MYO16: variants seen among roughly 807,000 people sequenced by gnomAD.
MYO16 encodes unconventional myosin-XVI.
MYO16 carries 94 observed loss-of-function variants against 205.3 expected under a neutral mutation model. That is an observed-to-expected ratio of 0.46 (90% CI 0.39 to 0.54). The LOEUF is 0.54. MYO16 is among the 20% of genes least tolerant of loss of function. MYO16 has a pLI of 0.00. For synonymous variants in MYO16, 988 were observed against 954.0 expected (o/e 1.04, Z -0.66); for missense variants, 2,315 against 2,387.5 (o/e 0.97, Z 0.63).
At position 109,014,439 on chromosome 13, in the gene MYO16, G is replaced by A. The variant is rs183374316; in HGVS notation, c.2596-5272G>A. Among the ~76,000 whole-genome samples the A allele has an allele frequency of 2.6e-4, 39 of 152,244 alleles. No homozygotes were observed. In the Middle Eastern group the frequency reaches 0.014, roughly 53 times the overall value. On this transcript the variant is annotated intron_variant, in intron 22 of 34. Transcript: ENST00000457511. ...TGTTCTTTTTGCTTAGGGTTGTCTT[G>A]GCAATGCGGGCTCTTTTTTGGTTCC...
chr13:108,631,767 C>T (rs2139356410), intron 1 of MYO16, among the ~76,000 whole-genome samples: 1 of 152,226 alleles, frequency 6.6e-6, no homozygotes, highest in East Asian at 1.9e-4. Context: ...TGAGCTATAT[C>T]TTGGAAGGAT....
At chr13:109,028,439 C>A in intron 23 of MYO16, 1 of 283,486 alleles carries the variant, frequency 3.5e-6, no homozygotes, top group African/African-American at 2.3e-5. Context: ...ATGAGTAGCT[C>A]CCTTTGAAGG....
chr13:108,783,146 A>C (rs142360959), intron 4 of MYO16, among the ~76,000 whole-genome samples: 77 of 152,278 alleles, frequency 5.1e-4, no homozygotes, highest in Non-Finnish European at 8.5e-4. Context: ...CTAGCTCGTG[A>C]AAGCAGCCAG....
chr13:108,562,783 T>G, the MYO16 span, among the ~76,000 whole-genome samples: 438 of 152,202 alleles, frequency 2.9e-3, 2 homozygotes, highest in Non-Finnish European at 4.9e-3. Flanking sequence ...TTGCACAGGT[T>G]TGTAGCCTAG....
In MYO16 at chr13:109,141,459, T is replaced by A; in HGVS notation, c.5164+83T>A. 1 of 974,364 alleles carries A rather than the reference T, an allele frequency of 1.0e-6. No homozygotes were observed. Among genetic ancestry groups the A allele is most frequent in the Non-Finnish European group, 1.4e-6 (1 of 712,260 alleles). 60.4% of individuals were successfully genotyped at this position (974,364 alleles called of 1,614,324 possible). The stretch of plus-strand genomic sequence containing the variant: ...CTGTGTACATCCGTGTCTGCGCAGA[T>A]GTGAAATAGTAAAGTTTCAGGTGAT... On this transcript the variant is annotated intron_variant, in intron 32 of 34. Coordinates refer to ENST00000457511, the MANE Select transcript of MYO16 (RefSeq NM_001198950.3). This position sits in a 1 kb window ranked among gnomAD's most constrained non-coding sequence, Gnocchi z 4.1.
intron 16 of MYO16, among the ~76,000 whole-genome samples, chr13:108,937,605 A>AAG (rs1298311515): frequency 1.3e-5 from 2 of 152,182 alleles, no homozygotes; most frequent in Admixed American, 1.3e-4. Context: ...GTTAGCTCAA[A>AAG]AGACTGGCTT....
the MYO16 span, among the ~76,000 whole-genome samples, chr13:108,519,626 TACACACACACACACACACACACCCAC>T: frequency 1.8e-5 from 2 of 108,436 alleles, no homozygotes; most frequent in Non-Finnish European, 1.7e-5. Flanking sequence ...ATATGCAAAA[TACACACACACACACACACACACCCAC>T]ACACACACAC....
intron 1 of MYO16, among the ~76,000 whole-genome samples, chr13:108,610,618 C>A (rs1371799657): frequency 6.6e-6 from 1 of 152,170 alleles, no homozygotes; most frequent in Non-Finnish European, 1.5e-5. Flanking sequence ...GTTATACAAG[C>A]ATTTTAAGTT....
intron 22 of MYO16, among the ~76,000 whole-genome samples, chr13:109,013,146 G>A (rs1244278047): frequency 1.0e-5 from 1 of 100,424 alleles, no homozygotes; most frequent in Non-Finnish European, 1.9e-5. Flanking sequence ...GCCCCAGTGT[G>A]TGATGTTCCC....
At chr13:108,741,662 A>G (rs2139614802) in intron 4 of MYO16, among the ~76,000 whole-genome samples, 1 of 152,368 alleles carries the variant, frequency 6.6e-6, no homozygotes, top group South Asian at 2.1e-4. Flanking sequence ...TGGGGTTACA[A>G]ATAAATATTA....
intron 27 of MYO16, among the ~76,000 whole-genome samples, chr13:109,072,060 A>C (rs542090344): frequency 2.0e-5 from 3 of 152,168 alleles, no homozygotes; most frequent in African/African-American, 4.8e-5. Context: ...TGTTATCACC[A>C]GTGTGCTGGG....
chr13:109,019,676 G>A, intron 22 of MYO16, 35 bp from the exon 23 acceptor site: 2 of 1,539,722 alleles, frequency 1.3e-6, no homozygotes, highest in Non-Finnish European at 1.8e-6. Context: ...CTAAGTAATA[G>A]ACAAAACAAC....
At chr13:108,496,632 T>G in the MYO16 span, among the ~76,000 whole-genome samples, 3 of 152,150 alleles carry the variant, frequency 2.0e-5, no homozygotes, top group Admixed American at 1.3e-4. Flanking sequence ...GTTTAATTGG[T>G]CCCTAGTACG....
chr13:108,876,669 CTT>C (rs35250959), intron 12 of MYO16, among the ~76,000 whole-genome samples: 172 of 135,210 alleles, frequency 1.3e-3, no homozygotes, highest in East Asian at 2.0e-3. Context: ...TATTCTCTCT[CTT>C]TTTTTTTTTT....
At chr13:109,044,383 C>G (rs1452607172) in intron 23 of MYO16, among the ~76,000 whole-genome samples, 2 of 152,054 alleles carry the variant, frequency 1.3e-5, no homozygotes, top group African/African-American at 4.8e-5. Flanking sequence ...AGGGTACTTC[C>G]AAATATTTGC....
chr13:108,517,914 G>A, the MYO16 span, among the ~76,000 whole-genome samples: 3,133 of 152,136 alleles, frequency 0.021, 65 homozygotes, highest in Middle Eastern at 0.088. Context: ...CTGGTACAAG[G>A]GGCAAGGGAA....
intron 21 of MYO16, among the ~76,000 whole-genome samples, chr13:109,005,865 A>G (rs760275846): frequency 6.6e-6 from 1 of 152,174 alleles, no homozygotes; most frequent in Non-Finnish European, 1.5e-5. Flanking sequence ...TTCATGCCCT[A>G]CAATGTCATA....
chr13:108,758,584 A>G (rs532934295), intron 4 of MYO16, among the ~76,000 whole-genome samples: 5 of 152,182 alleles, frequency 3.3e-5, no homozygotes, highest in Admixed American at 6.5e-5. Flanking sequence ...TCAGTCATCA[A>G]TTATCTCTCC....
chr13:108,616,620 G>C (rs994446931), intron 1 of MYO16, among the ~76,000 whole-genome samples: 1 of 152,074 alleles, frequency 6.6e-6, no homozygotes, highest in Non-Finnish European at 1.5e-5. Context: ...TGCTCCTAGG[G>C]AATTAAGGCA....
Sources: gnomAD v4.1 joint callset for allele counts (sites outside exome capture counted in the v4.1 genomes callset) on GRCh38, gnomAD v4.1.1 for gene constraint, Gnocchi (gnomAD v3.1) non-coding constraint, MANE v1.5 for transcripts, NCBI Gene and HGNC (gene_info 2026-07-23, HGNC 2026-07-21) for gene names.